The following JMJD6 variants were observed in gnomAD, a reference collection of about 807,000 sequenced individuals.
JMJD6 encodes the protein bifunctional arginine demethylase and lysyl-hydroxylase JMJD6.
A neutral mutation model predicts 45.8 loss-of-function variants in JMJD6; 17 were observed. That is an observed-to-expected ratio of 0.37 (90% CI 0.25 to 0.56). The LOEUF is 0.56. Ranked by LOEUF, JMJD6 falls within the 20% of genes least tolerant of loss-of-function variation. The pLI, the probability that JMJD6 is intolerant of heterozygous loss-of-function variation, is 0.79. For missense variants in JMJD6, 470 were observed against 517.5 expected, an observed-to-expected ratio of 0.91 and a Z score of 0.89; for synonymous variants, 221 against 196.3, an observed-to-expected ratio of 1.13 and a Z score of -1.05.
chr17:76,713,788 TGAA>T (rs2076745465), downstream of JMJD6: 1 of 152,232 alleles, frequency 6.6e-6, no homozygotes, highest in African/African-American at 2.4e-5. Flanking sequence ...TGCTACTTTA[TGAA>T]GAAGCTGTTA....
rs1170813690 is a variant in JMJD6 at position 76,720,518 on chromosome 17, G to C, written c.942-20C>G. On this transcript the variant is annotated intron_variant, in intron 4 of 5. Coordinates refer to ENST00000397625, the MANE Select transcript of JMJD6 (RefSeq NM_015167.3). Reference sequence around the variant, plus strand: ...AAAATCCTGAGAGGCAAGAAGTGTTGTTCTCAGTGCACTGACAGCCATACC... The same window carrying C: ...AAAATCCTGAGAGGCAAGAAGTGTTCTTCTCAGTGCACTGACAGCCATACC... 1.2e-6 allele frequency: 2 copies of C among 1,612,920 alleles called. No homozygotes were observed. The highest frequency in any genetic ancestry group is 1.7e-6 in the Non-Finnish European group (2 of 1,179,288).
intron 2 of JMJD6, among the ~76,000 whole-genome samples, chr17:76,724,959 C>T (rs185565117): frequency 3.7e-4 from 56 of 152,270 alleles, no homozygotes; most frequent in Non-Finnish European, 6.8e-4. Flanking sequence ...AATTCTGATG[C>T]GCAGGCATCA....
Position 76,718,883 on chromosome 17 carries a change from C to T in JMJD6, c.1081-23G>A, listed in dbSNP as rs1223712268. 1.9e-6 allele frequency: 3 copies of T among 1,608,600 alleles called. No homozygotes were observed. The South Asian group carries it at 3.3e-5, about 18-fold the overall frequency. On this transcript the variant is annotated intron_variant, in intron 5 of 5. Coordinates refer to ENST00000397625, the MANE Select transcript of JMJD6 (RefSeq NM_015167.3). ...GCACTGGACACAGGAGGACAGAAAA[C>T]AAGGAGTCAACCTGGATGCAACCCA...
At position 76,718,909 on chromosome 17, in the gene JMJD6, C is replaced by A. The variant is rs2240771; in HGVS notation, c.1081-49G>T. 6 of 1,584,432 alleles carry A rather than the reference C, an allele frequency of 3.8e-6. No individual in the cohort carries two copies. The East Asian group carries it at 1.4e-4, about 36-fold the overall frequency. ...AAGGAGTCAACCTGGATGCAACCCA[C>A]TTCTTCATTAAACAAACCTCTGACC... On this transcript the variant is annotated intron_variant, in intron 5 of 5. Coordinates refer to ENST00000397625, the MANE Select transcript of JMJD6 (RefSeq NM_015167.3).
chr17:76,720,707 ATT>A (rs2076813065), intron 4 of JMJD6: 3 of 491,504 alleles, frequency 6.1e-6, no homozygotes, highest in African/African-American at 1.9e-5. Context: ...TGCAAGGAAA[ATT>A]ATACTAACTA....
chr17:76,724,747 G>T (rs1312546452), intron 2 of JMJD6, among the ~76,000 whole-genome samples: 1 of 151,880 alleles, frequency 6.6e-6, no homozygotes, highest in African/African-American at 2.4e-5. Context: ...AACCCGGGAG[G>T]CGGAGGCTGC....
In JMJD6 at chr17:76,725,456, G is replaced by A. The variant is rs752630824; in HGVS notation, c.518+11C>T. On this transcript the variant is annotated intron_variant, in intron 2 of 5. Coordinates refer to ENST00000397625, the MANE Select transcript of JMJD6 (RefSeq NM_015167.3). ...AAAGGATTTTAACCACTTAGCTGCA[G>A]AATACTTTACCTGTAAGGGGGCCTG... 3.3e-6 allele frequency: 5 copies of A among 1,517,064 alleles called. No individual in the cohort carries two copies. The highest frequency in any genetic ancestry group is 1.4e-5 in the African/African-American group (1 of 70,162). The allele number at this position is 1,517,064 out of a possible 1,614,324, so 94.0% of individuals were successfully genotyped here. A position where few individuals can be genotyped will look rare whatever the true frequency, so the allele number is the denominator to read the frequency against.
At chr17:76,720,592 C>T (rs2076811333) in intron 4 of JMJD6, 94 bp from the exon 5 acceptor site, 3 of 1,233,450 alleles carry the variant, frequency 2.4e-6, no homozygotes, top group Admixed American at 1.7e-5. Flanking sequence ...CTCAGAAACA[C>T]CTGGGAATGC....
Position 76,726,573 on chromosome 17 carries a change from AC to A in JMJD6, c.-99del, listed in dbSNP as rs1236302592. On this transcript the variant is annotated 5_prime_UTR_variant, in exon 1 of 6. Transcript: ENST00000397625. ...CGGCCTGGGCGGCGGCGACGGCAGT[AC>A]CCAAACGCCCTTCGCTCAGTCCCGG... 4 of 1,445,378 alleles carry A rather than the reference AC, an allele frequency of 2.8e-6. No homozygotes were observed. Among genetic ancestry groups the A allele is most frequent in the African/African-American group, 3.0e-5 (2 of 67,762 alleles). 89.5% of individuals were successfully genotyped at this position (1,445,378 alleles called of 1,614,324 possible). A position where few individuals can be genotyped will look rare whatever the true frequency, so the allele number is the denominator to read the frequency against.
At chr17:76,717,230 TA>T (rs1208976236), downstream of JMJD6, among the ~76,000 whole-genome samples, 1 of 152,220 alleles carries the variant, frequency 6.6e-6, no homozygotes, top group Non-Finnish European at 1.5e-5. Context: ...ATATATATTT[TA>T]AAGACAGGGT....
chr17:76,725,104 T>A (rs781694834), intron 2 of JMJD6, among the ~76,000 whole-genome samples: 4 of 152,100 alleles, frequency 2.6e-5, no homozygotes, highest in African/African-American at 4.8e-5. Flanking sequence ...GCAAATGCTG[T>A]TGTAGATAAG....
At chr17:76,721,150 G>A (rs1481398785) in intron 4 of JMJD6, 5 of 226,050 alleles carry the variant, frequency 2.2e-5, no homozygotes, top group South Asian at 1.4e-4. Context: ...CCTACGGGGC[G>A]GGGTAAGTGG....
At position 76,723,832 on chromosome 17, in the gene JMJD6, G is replaced by C; in HGVS notation, c.745C>G (p.Pro249Ala). ...ATTTCCAGGGGTTTGAATTCAGGTG[G>C]CCAGGTTGGAAGCTGTGTCCGGGGA... ...IYPRTQLPTW[P>A]PEFKPLEILQ... The change falls in exon 3 of 6, where the codon CCA (proline) becomes GCA (alanine). Residue 249 changes from proline to alanine, a missense_variant. Transcript: ENST00000397625. 6.2e-7 allele frequency: 1 copy of C among 1,614,162 alleles called. No individual in the cohort carries two copies. The highest frequency in any genetic ancestry group is 8.5e-7 in the Non-Finnish European group (1 of 1,180,026).
intron 4 of JMJD6, chr17:76,721,096 G>A (rs1184323819): frequency 5.6e-6 from 1 of 178,982 alleles, no homozygotes; most frequent in South Asian, 1.0e-4. Context: ...AAGACCTGTT[G>A]TATCATAAGG....
chr17:76,719,818 C>T (rs570916340), intron 5 of JMJD6, among the ~76,000 whole-genome samples: 4 of 152,266 alleles, frequency 2.6e-5, no homozygotes, highest in South Asian at 2.1e-4. Context: ...CCTGATACCT[C>T]GAGGCTATTT....
downstream of JMJD6, chr17:76,714,413 A>G (rs2076749979): frequency 6.6e-6 from 1 of 152,278 alleles, no homozygotes; most frequent in African/African-American, 2.4e-5. Context: ...CATTCAATGG[A>G]GTAGCTCACG....
intron 4 of JMJD6, among the ~76,000 whole-genome samples, chr17:76,720,906 T>C (rs1423558194): frequency 6.6e-6 from 1 of 152,178 alleles, no homozygotes; most frequent in Non-Finnish European, 1.5e-5. Flanking sequence ...CAGCACATAA[T>C]GATCAGAGTT....
intron 4 of JMJD6, chr17:76,721,145 G>A (rs769198275): frequency 4.1e-5 from 9 of 222,154 alleles, no homozygotes; most frequent in Admixed American, 1.7e-4. Flanking sequence ...AGTGGCCTAC[G>A]GGGCGGGGTA....
intron 1 of JMJD6, 112 bp from the exon 2 acceptor site, chr17:76,725,967 C>T: frequency 7.6e-7 from 1 of 1,319,038 alleles, no homozygotes; most frequent in Non-Finnish European, 1.0e-6. Flanking sequence ...AGTTGACTCT[C>T]GTCTGGCTCC....
Sources: gnomAD v4.1 joint callset for allele counts (sites outside exome capture counted in the v4.1 genomes callset) on GRCh38, gnomAD v4.1.1 for gene constraint, MANE v1.5 for transcripts, NCBI Gene and HGNC (gene_info 2026-07-23, HGNC 2026-07-21) for gene names.